The following ADNP2 variants were observed in gnomAD, a reference collection of about 807,000 sequenced individuals.
The protein encoded by ADNP2 is activity-dependent neuroprotector homeobox protein 2.
Under a neutral mutation model 16.4 loss-of-function variants are expected in ADNP2, and 8 were observed. That is an observed-to-expected ratio of 0.49 (90% CI 0.29 to 0.88). The LOEUF is 0.88. Ranked by LOEUF, ADNP2 falls within the 40% of genes least tolerant of loss-of-function variation. The pLI, the probability that ADNP2 is intolerant of heterozygous loss-of-function variation, is 0.09. For synonymous variants in ADNP2, 637 were observed against 545.8 expected (o/e 1.17, Z -2.33); for missense variants, 1,397 against 1,395.1 (o/e 1.00, Z -0.02).
intron 1 of ADNP2, among the ~76,000 whole-genome samples, chr18:80,112,710 T>C (rs1319273942): frequency 6.6e-6 from 1 of 152,210 alleles, no homozygotes; most frequent in Admixed American, 6.5e-5. Context: ...CTGAGGTTCA[T>C]GTATGTACAA....
rs776064405 is a variant in ADNP2, at chr18:80,136,708, C to G, written c.1295C>G (p.Ala432Gly). ...TCTGTCACCCCTGGGGTCCTGCAGG[C>G]TGTCTCGCCAGGGGTGCTTTCTGTG... ...SPSVTPGVLQ[A>G]VSPGVLSVSR... is the part of the protein sequence containing the mutation. The change falls in exon 4 of 4, where the codon GCT becomes GGT. Residue 432 changes from alanine to glycine, a missense_variant. Transcript: ENST00000262198. 2.5e-6 allele frequency: 4 copies of G among 1,613,112 alleles called. No homozygotes were observed. Among genetic ancestry groups the G allele is most frequent in the Non-Finnish European group, 8.5e-7 (1 of 1,179,582 alleles).
rs780430320 is a variant in ADNP2 at position 80,135,650 on chromosome 18, A to G, written c.237A>G (p.Lys79=). 2 of 1,614,224 alleles carry G rather than the reference A, an allele frequency of 1.2e-6. No homozygotes were observed. Among genetic ancestry groups the G allele is most frequent in the Non-Finnish European group, 1.7e-6 (2 of 1,180,034 alleles). Residue 79 remains lysine (K), a synonymous_variant, in exon 4 of 4, where the codon AAA becomes AAG. Transcript: ENST00000262198. ...RTKPYCCGLC[K]YSTKVLTSFK... Reference sequence around the variant, plus strand: ...AGCCATACTGTTGTGGCCTCTGTAAATACTCTACAAAGGTGCTTACTTCAT... The same window carrying G: ...AGCCATACTGTTGTGGCCTCTGTAAGTACTCTACAAAGGTGCTTACTTCAT...
At chr18:80,135,548 C>A in intron 3 of ADNP2, 64 bp from the exon 4 acceptor site, 1 of 1,417,282 alleles carries the variant, frequency 7.1e-7, no homozygotes, top group Non-Finnish European at 9.6e-7. Flanking sequence ...TCCTCAGGGA[C>A]TGTGGAAGGT....
At chr18:80,110,362 A>G (rs139913576) in intron 1 of ADNP2, among the ~76,000 whole-genome samples, 59 of 152,146 alleles carry the variant, frequency 3.9e-4, no homozygotes, top group Middle Eastern at 3.4e-3. Context: ...AACTTACTCT[A>G]TTTGCACGGG....
At position 80,138,682 on chromosome 18, in the gene ADNP2, T is replaced by A; in HGVS notation, c.3269T>A (p.Phe1090Tyr). 1 of 1,612,532 alleles carries A rather than the reference T, an allele frequency of 6.2e-7. No homozygotes were observed. Among genetic ancestry groups the A allele is most frequent in the Non-Finnish European group, 8.5e-7 (1 of 1,179,714 alleles). The change falls in exon 4 of 4, where the codon TTT becomes TAT. Residue 1090 changes from phenylalanine (F) to tyrosine (Y), a missense_variant. Physicochemically the swap from Phe to Tyr is conservative, Grantham distance 22. This residue lies in a region of ADNP2 where 611 missense variants were observed against 648.7 expected (regional missense o/e 0.94). Transcript: ENST00000262198. ...FWVWKIDVAS[F>Y]FGKRRYICMK... ...GTGTGGAAAATTGATGTGGCTTCAT[T>A]TTTTGGAAAAAGAAGGTATATTTGC... is the stretch of plus-strand genomic sequence containing the variant.
rs989453798 is a variant in ADNP2 at position 80,138,432 on chromosome 18, G to A, written c.3019G>A (p.Gly1007Ser). Residue 1007 changes from glycine to serine, a missense_variant, in exon 4 of 4, where the codon GGT (glycine) becomes AGT (serine). Physicochemically the swap from Gly to Ser is moderately conservative, Grantham distance 56. Coordinates refer to ENST00000262198, the MANE Select transcript of ADNP2 (RefSeq NM_014913.4). Reference sequence around the variant, plus strand: ...CATCCTAAATGCCGATGCAGCCCCGGGTCCAGAAAAGGTGACGAGTGTTGT... The same window carrying A: ...CATCCTAAATGCCGATGCAGCCCCGAGTCCAGAAAAGGTGACGAGTGTTGT... The part of the protein sequence containing the change: ...PPILNADAAP[G>S]PEKVTSVVPF... 1 of 1,614,048 alleles carries A rather than the reference G, an allele frequency of 6.2e-7. No homozygotes were observed. Among genetic ancestry groups the A allele is most frequent in the Non-Finnish European group, 8.5e-7 (1 of 1,180,038 alleles).
At position 80,138,233 on chromosome 18, in the gene ADNP2, T is replaced by A. The variant is rs773175759; in HGVS notation, c.2820T>A (p.Ser940Arg). ...CCGTCCATTTGGTGCGCTGCAGAAGTGCTCCCAAGGACAGCAGCTCAGACC... is the reference window on the plus strand; with the variant it reads ...CCGTCCATTTGGTGCGCTGCAGAAGAGCTCCCAAGGACAGCAGCTCAGACC... ...AIAVHLVRCR[S>R]APKDSSSDLQ... The change falls in exon 4 of 4, where the codon AGT (serine) becomes AGA (arginine). Residue 940 changes from serine to arginine, a missense_variant. Around this residue, in one of 3 missense-constraint regions of ADNP2, gnomAD observed 611 missense variants for 648.7 expected, o/e 0.94. Coordinates refer to ENST00000262198, the MANE Select transcript of ADNP2 (RefSeq NM_014913.4). 6.2e-7 allele frequency: 1 copy of A among 1,614,148 alleles called. No homozygotes were observed. The highest frequency in any genetic ancestry group is 8.5e-7 in the Non-Finnish European group (1 of 1,180,032).
rs1295604468 is a variant in ADNP2 at position 80,135,817 on chromosome 18, A to G, written c.404A>G (p.Gln135Arg). The change falls in exon 4 of 4, where the codon CAG becomes CGG. Residue 135 changes from glutamine to arginine, a missense_variant. Around this residue, in one of 3 missense-constraint regions of ADNP2, gnomAD observed 777 missense variants for 719.4 expected, o/e 1.08. Coordinates refer to ENST00000262198, the MANE Select transcript of ADNP2 (RefSeq NM_014913.4). ...TTCCATGCACCTGTCCGGAAAGTCC[A>G]GAACTACACAGTGAATATTTTAGGT... is the stretch of plus-strand genomic sequence containing the variant. ...RMFHAPVRKV[Q>R]NYTVNILGET... 1.2e-6 allele frequency: 2 copies of G among 1,614,234 alleles called. No individual in the cohort carries two copies. Among genetic ancestry groups the G allele is most frequent in the Non-Finnish European group, 1.7e-6 (2 of 1,180,016 alleles).
In ADNP2 at chr18:80,136,410, C is replaced by T; in HGVS notation, c.997C>T (p.Leu333=). ...TGCTGCTGGCCAATCCCACATGACT[C>T]TGGTCTCCAGCCCTCTGCCTGTGGG... ...PPAAGQSHMT[L]VSSPLPVGQN... Residue 333 remains leucine, a synonymous_variant, in exon 4 of 4, where the codon CTG becomes TTG. Transcript: ENST00000262198. 6.2e-7 allele frequency: 1 copy of T among 1,614,240 alleles called. No individual in the cohort carries two copies. Among genetic ancestry groups the T allele is most frequent in the Non-Finnish European group, 8.5e-7 (1 of 1,180,040 alleles).
At chr18:80,111,037 A>G (rs952369354) in intron 1 of ADNP2, among the ~76,000 whole-genome samples, 6 of 152,286 alleles carry the variant, frequency 3.9e-5, no homozygotes, top group African/African-American at 1.2e-4. Flanking sequence ...GATTGCCCTC[A>G]TAAGTTCACC....
rs2052538397 is a variant in ADNP2 at position 80,136,701 on chromosome 18, C to T, written c.1288C>T (p.Leu430=). The change falls in exon 4 of 4, where the codon CTG becomes TTG. Residue 430 remains leucine, a synonymous_variant. Transcript: ENST00000262198. ...GAGCCCCTCTGTCACCCCTGGGGTC[C>T]TGCAGGCTGTCTCGCCAGGGGTGCT... ...PVSPSVTPGV[L]QAVSPGVLSV... The T allele has an allele frequency of 6.2e-7, 1 of 1,613,214 alleles. No homozygotes were observed. The highest frequency in any genetic ancestry group is 1.3e-5 in the African/African-American group (1 of 74,906).
chr18:80,126,255 C>T (rs1475437110), intron 2 of ADNP2, among the ~76,000 whole-genome samples: 4 of 151,700 alleles, frequency 2.6e-5, no homozygotes, highest in Non-Finnish European at 5.9e-5. Flanking sequence ...AGCCTTTGTT[C>T]TGTTGTTGTT....
At position 80,138,279 on chromosome 18, in the gene ADNP2, A is replaced by C; in HGVS notation, c.2866A>C (p.Ile956Leu). 2 of 1,614,140 alleles carry C rather than the reference A, an allele frequency of 1.2e-6. No homozygotes were observed. Among genetic ancestry groups the C allele is most frequent in the Non-Finnish European group, 1.7e-6 (2 of 1,180,042 alleles). ...SSDLQAQPGFIHNSELLLVSG... is the reference protein window; with the variant it reads ...SSDLQAQPGFLHNSELLLVSG... ...AGACCTGCAGGCCCAGCCGGGTTTTATTCACAACAGTGAACTGCTTTTAGT... is the reference window on the plus strand; with the variant it reads ...AGACCTGCAGGCCCAGCCGGGTTTTCTTCACAACAGTGAACTGCTTTTAGT... Residue 956 changes from isoleucine to leucine, a missense_variant, in exon 4 of 4, where the codon ATT (isoleucine) becomes CTT (leucine). Ile to Leu is a conservative substitution (Grantham distance 5). This residue lies in a region of ADNP2 where 611 missense variants were observed against 648.7 expected (regional missense o/e 0.94). Coordinates refer to ENST00000262198, the MANE Select transcript of ADNP2 (RefSeq NM_014913.4).
chr18:80,117,701 G>A (rs779676011), intron 2 of ADNP2, 51 bp downstream of exon 2: 85 of 1,442,620 alleles, frequency 5.9e-5, no homozygotes, highest in Non-Finnish European at 7.2e-5. Flanking sequence ...ATTTGAACTC[G>A]GGTTTTTGAA....
chr18:80,130,025 TA>T (rs2080796262), intron 2 of ADNP2, among the ~76,000 whole-genome samples: 1 of 152,204 alleles, frequency 6.6e-6, no homozygotes, highest in Non-Finnish European at 1.5e-5. Flanking sequence ...AGTGAGTAGT[TA>T]GTTAACCTTT....
rs538063613 is a variant in ADNP2, at chr18:80,125,250, G to A, written c.108+7600G>A. ...TAAATACAGTTTATTGGCGCCAGGT[G>A]CAATGGTAATCCCAGCACTTTGGGA... On this transcript the variant is annotated intron_variant, in intron 2 of 3. Transcript: ENST00000262198. 4.6e-5 allele frequency among the ~76,000 whole-genome samples: 7 copies of A among 152,270 alleles called. No individual in the cohort carries two copies. In the South Asian group the frequency reaches 1.2e-3, roughly 27 times the overall value.
At chr18:80,127,339 G>GTTTTTTTTTT (rs35560770) in intron 2 of ADNP2, among the ~76,000 whole-genome samples, 2 of 102,186 alleles carry the variant, frequency 2.0e-5, no homozygotes, top group African/African-American at 4.0e-5. Context: ...GGTTTTTTCA[G>GTTTTTTTTTT]TTTTTTTTTT....
rs1209980229 is a variant in ADNP2 at position 80,117,588 on chromosome 18, C to T, written c.46C>T (p.Arg16Ter). 3.1e-6 allele frequency: 5 copies of T among 1,600,924 alleles called. No individual in the cohort carries two copies. Among genetic ancestry groups the T allele is most frequent in the Non-Finnish European group, 3.4e-6 (4 of 1,176,164 alleles). ...VENLDNIRKV[R>*]KKVKGILVDI... The stretch of plus-strand genomic sequence containing the variant: ...AAATCTTGACAACATCAGAAAGGTG[C>T]GAAAAAAGGTGAAAGGTATTCTTGT... Residue 16 changes from arginine (R) to a stop codon, truncating the protein, a stop_gained, in exon 2 of 4, where the codon CGA becomes TGA. Coordinates refer to ENST00000262198, the MANE Select transcript of ADNP2 (RefSeq NM_014913.4). LOFTEE classifies it high-confidence loss of function.
intron 2 of ADNP2, among the ~76,000 whole-genome samples, chr18:80,130,756 C>T (rs977857754): frequency 8.7e-5 from 13 of 149,816 alleles, no homozygotes; most frequent in African/African-American, 2.5e-4. Context: ...CCGCCCACGT[C>T]AGGTCAGGCA....
Sources: gnomAD v4.1 joint callset for allele counts (sites outside exome capture counted in the v4.1 genomes callset) on GRCh38, gnomAD v4.1.1 for gene constraint, gnomAD v4.1.1 regional missense constraint, MANE v1.5 for transcripts, NCBI Gene and HGNC (gene_info 2026-07-23, HGNC 2026-07-21) for gene names.